Variants in MYO3B observed in about 807,000 individuals in gnomAD.
MYO3B encodes myosin IIIB, also known as myosin-IIIb.
A neutral mutation model predicts 174.6 loss-of-function variants in MYO3B; 156 were observed. That is an observed-to-expected ratio of 0.89 (90% CI 0.78 to 1.02). The LOEUF (loss-of-function observed/expected upper bound fraction) is 1.02. MYO3B is among the 50% of genes least tolerant of loss of function. The probability of loss-of-function intolerance (pLI) is 0.00; values close to 1 mark genes in which losing one functional copy is unlikely to be tolerated. For missense variants in MYO3B, 1,632 were observed against 1,639.4 expected (o/e 1.00, Z 0.08); for synonymous variants, 563 against 569.1 (o/e 0.99, Z 0.15).
intron 23 of MYO3B, among the ~76,000 whole-genome samples, chr2:170,461,335 G>A (rs1446822991): frequency 1.3e-5 from 2 of 151,566 alleles, no homozygotes; most frequent in Non-Finnish European, 1.5e-5. Context: ...TTAGCTGGGC[G>A]TGGTGGCGGG....
At chr2:170,241,898 G>A (rs143378232) in intron 7 of MYO3B, among the ~76,000 whole-genome samples, 134 of 152,216 alleles carry the variant, frequency 8.8e-4, no homozygotes, top group African/African-American at 3.1e-3. Flanking sequence ...ATGGGAAGCA[G>A]TAGTCTCTGC....
Position 170,531,332 on chromosome 2 carries a change from G to C in MYO3B, c.3576-11574G>C, listed in dbSNP as rs1017009733. ...AGCTTTTAAAGCCTTATTCTTTCCT[G>C]GGGGTTTTCTACACCTACTTGTGGG... is the stretch of plus-strand genomic sequence containing the variant. On this transcript the variant is annotated intron_variant, in intron 30 of 34. Coordinates refer to ENST00000408978, the MANE Select transcript of MYO3B (RefSeq NM_138995.5). 1.9e-4 allele frequency among the ~76,000 whole-genome samples: 29 copies of C among 152,140 alleles called. 1 individual carries two copies. The highest frequency in any genetic ancestry group is 4.4e-5 in the Non-Finnish European group (3 of 68,034).
intron 1 of MYO3B, among the ~76,000 whole-genome samples, chr2:170,188,765 C>A (rs1399875900): frequency 2.0e-5 from 3 of 152,130 alleles, no homozygotes; most frequent in Admixed American, 1.3e-4. Context: ...ACTTTAACTT[C>A]ATCTCCCTGC....
At chr2:170,563,447 G>C (rs187102552) in intron 32 of MYO3B, among the ~76,000 whole-genome samples, 5 of 152,260 alleles carry the variant, frequency 3.3e-5, no homozygotes, top group Admixed American at 3.3e-4. Flanking sequence ...GTCAACACAA[G>C]ACAACCCCAT....
At chr2:170,490,745 T>G (rs530682602) in intron 25 of MYO3B, among the ~76,000 whole-genome samples, 1 of 152,142 alleles carries the variant, frequency 6.6e-6, no homozygotes, top group Non-Finnish European at 1.5e-5. Context: ...GAATTAATTT[T>G]TTAAATTTTT....
chr2:170,624,086 G>A (rs1477614974), intron 32 of MYO3B, among the ~76,000 whole-genome samples: 6 of 152,226 alleles, frequency 3.9e-5, no homozygotes, highest in Non-Finnish European at 7.3e-5. Context: ...GAACTTTAAA[G>A]TAGTTTTTTC....
intron 25 of MYO3B, among the ~76,000 whole-genome samples, chr2:170,497,385 G>T (rs1318745436): frequency 1.3e-5 from 2 of 152,222 alleles, no homozygotes. Flanking sequence ...GGGAGGTCAA[G>T]GCGGGTGGAT....
intron 22 of MYO3B, among the ~76,000 whole-genome samples, chr2:170,423,330 A>G (rs948272321): frequency 6.6e-6 from 1 of 152,096 alleles, no homozygotes; most frequent in Non-Finnish European, 1.5e-5. Context: ...ATCGAGTAGC[A>G]TGACTGCAGA....
Position 170,437,965 on chromosome 2 carries a change from C to A in MYO3B, c.2651-6002C>A, listed in dbSNP as rs1447638932. Among the ~76,000 whole-genome samples, 3 of 138,748 alleles carry A rather than the reference C, an allele frequency of 2.2e-5. No individual in the cohort carries two copies. In the East Asian group the frequency reaches 5.9e-4, roughly 27 times the overall value. The allele number at this position is 138,748 out of a possible 152,430, so 91.0% of individuals were successfully genotyped here. A position where few individuals can be genotyped will look rare whatever the true frequency, so the allele number is the denominator to read the frequency against. ...GTAAAAAATATATATAACATGAAAT[C>A]TCTCTTTTTAAGTATACAATACAGT... is the stretch of plus-strand genomic sequence containing the variant. On this transcript the variant is annotated intron_variant, in intron 22 of 34. Coordinates refer to ENST00000408978, the MANE Select transcript of MYO3B (RefSeq NM_138995.5).
chr2:170,588,047 C>T (rs189767994), intron 32 of MYO3B, among the ~76,000 whole-genome samples: 1 of 152,232 alleles, frequency 6.6e-6, no homozygotes, highest in Admixed American at 6.5e-5. Flanking sequence ...AAGAGGATAA[C>T]AGTCTTGGTT....
At chr2:170,285,257 C>T (rs1234826494) in intron 7 of MYO3B, among the ~76,000 whole-genome samples, 1 of 152,150 alleles carries the variant, frequency 6.6e-6, no homozygotes, top group Non-Finnish European at 1.5e-5. Flanking sequence ...ATATTAACAA[C>T]TCGCATTCCA....
chr2:170,628,265 C>T (rs1696635250), intron 32 of MYO3B, among the ~76,000 whole-genome samples: 1 of 152,246 alleles, frequency 6.6e-6, no homozygotes, highest in South Asian at 2.1e-4. Flanking sequence ...CCACCCCCAG[C>T]CTCACTGCTG....
intron 32 of MYO3B, among the ~76,000 whole-genome samples, chr2:170,551,111 C>T (rs1690849766): frequency 6.6e-6 from 1 of 151,872 alleles, no homozygotes; most frequent in Non-Finnish European, 1.5e-5. Flanking sequence ...TGCTGCCCAG[C>T]CTGGTCTTGA....
intron 32 of MYO3B, among the ~76,000 whole-genome samples, chr2:170,607,069 C>G (rs1286415946): frequency 5.9e-5 from 9 of 152,092 alleles, no homozygotes; most frequent in African/African-American, 2.2e-4. Flanking sequence ...AATAAATATA[C>G]TCTTCTCTTA....
At chr2:170,423,273 G>A (rs534860695) in intron 22 of MYO3B, among the ~76,000 whole-genome samples, 1 of 152,158 alleles carries the variant, frequency 6.6e-6, no homozygotes, top group East Asian at 1.9e-4. Flanking sequence ...GTGAGCCACC[G>A]TGCCCAGCCT....
rs112550549 is a variant in MYO3B, at chr2:170,281,993, T to C, written c.749+45857T>C. On this transcript the variant is annotated intron_variant, in intron 7 of 34. Coordinates refer to ENST00000408978, the MANE Select transcript of MYO3B (RefSeq NM_138995.5). The stretch of plus-strand genomic sequence containing the variant: ...GTTGTTGTTTGAGTTCCTTGTGTAT[T>C]CTGGATATTAGCCCCTTGTCAGATG... Among the ~76,000 whole-genome samples the C allele has an allele frequency of 5.2e-3, 798 of 152,280 alleles. 6 individuals carry two copies. The highest frequency in any genetic ancestry group is 0.018 in the African/African-American group (760 of 41,568).
At chr2:170,365,143 A>T (rs556889602) in intron 8 of MYO3B, among the ~76,000 whole-genome samples, 7 of 152,284 alleles carry the variant, frequency 4.6e-5, no homozygotes, top group African/African-American at 1.4e-4. Context: ...ATTGTTTCGT[A>T]CGTTGTACCT....
chr2:170,216,860 C>T (rs2092834370), intron 5 of MYO3B, among the ~76,000 whole-genome samples: 1 of 149,138 alleles, frequency 6.7e-6, no homozygotes, highest in Non-Finnish European at 1.5e-5. Context: ...TTGATTTTTG[C>T]AGTGATATAG....
At chr2:170,459,536 C>G (rs1189743320) in intron 23 of MYO3B, among the ~76,000 whole-genome samples, 1 of 152,192 alleles carries the variant, frequency 6.6e-6, no homozygotes, top group Admixed American at 6.5e-5. Context: ...AGAAGTTCTC[C>G]AAGTCCCCAC....
Sources: gnomAD v4.1 joint callset for allele counts (sites outside exome capture counted in the v4.1 genomes callset) on GRCh38, gnomAD v4.1.1 for gene constraint, MANE v1.5 for transcripts, NCBI Gene and HGNC (gene_info 2026-07-23, HGNC 2026-07-21) for gene names.